Variants in PHF8 observed in about 807,000 individuals in gnomAD.
PHF8 encodes PHD finger protein 8, also known as histone lysine demethylase PHF8.
PHF8 carries 9 observed loss-of-function variants against 74.4 expected under a neutral mutation model. The ratio of observed to expected loss-of-function variants is 0.12; its 90% CI spans 0.07 to 0.21. The LOEUF (loss-of-function observed/expected upper bound fraction) is 0.21. Ranked by LOEUF, PHF8 falls within the 10% of genes least tolerant of loss-of-function variation. The pLI is 1.00. For synonymous variants in PHF8, 311 were observed against 316.6 expected (o/e 0.98, Z 0.19); for missense variants, 478 against 816.6 (o/e 0.59, Z 5.05).
At chrX:53,943,497 G>A in intron 20 of PHF8, 2 of 866,907 alleles carry the variant, frequency 2.3e-6, no homozygotes, top group East Asian at 3.7e-5. Context: ...CAAAGCAGAT[G>A]CTTAACAGTG....
chrX:53,968,770 C>T (rs938252877), intron 18 of PHF8, among the ~76,000 whole-genome samples: 2 of 111,124 alleles, frequency 1.8e-5, no homozygotes, highest in Admixed American at 9.6e-5. Context: ...ATTAGCTGGG[C>T]GTGATGGCGG....
At position 54,042,719 on chromosome X, in the gene PHF8, C is replaced by T; in HGVS notation, c.10G>A (p.Val4Met). The T allele has an allele frequency of 1.7e-6, 2 of 1,209,922 alleles. No individual in the cohort carries two copies. Among genetic ancestry groups the T allele is most frequent in the Non-Finnish European group, 2.2e-6 (2 of 894,301 alleles). Residue 4 changes from valine to methionine, a missense_variant, in exon 2 of 22, where the codon GTG becomes ATG. Around this residue, in one of 9 missense-constraint regions of PHF8, gnomAD observed 15 missense variants for 50.6 expected, o/e 0.30. Transcript: ENST00000338154. ...AGCCGGCAGAGGCAATACACCGGCA[C>T]CGAGGCCATCTTCGCTCGGCCCTGG... MAS[V>M]PVYCLCRLPY... is the part of the protein sequence containing the mutation.
Position 54,022,358 on chromosome X carries a change from C to T in PHF8, c.194G>A (p.Arg65His), listed in dbSNP as rs781825432. Reference protein sequence around the residue: ...VLHGPSIMKKRRGSSKGHDTH... With the variant: ...VLHGPSIMKKHRGSSKGHDTH... Reference sequence around the variant, plus strand: ...ATCATGCCCCTTTGAAGATCCACGGCGTTTTTTCACTAAGCCAGAAAAACA... The same window carrying T: ...ATCATGCCCCTTTGAAGATCCACGGTGTTTTTTCACTAAGCCAGAAAAACA... The change falls in exon 4 of 22, where the codon CGC (arginine) becomes CAC (histidine). Residue 65 changes from arginine (R) to histidine (H), a missense_variant. Arg to His is a conservative substitution (Grantham distance 29). Around this residue, in one of 9 missense-constraint regions of PHF8, gnomAD observed 28 missense variants for 33.4 expected, o/e 0.84. Transcript: ENST00000338154. The T allele has an allele frequency of 1.4e-5, 16 of 1,176,500 alleles. No homozygotes were observed. The Admixed American group carries it at 1.8e-4, about 13-fold the overall frequency.
At chrX:54,033,776 A>G (rs1569529774) in intron 2 of PHF8, among the ~76,000 whole-genome samples, 1 of 110,094 alleles carries the variant, frequency 9.1e-6, no homozygotes, top group Non-Finnish European at 1.9e-5. Context: ...AGCAAAAATT[A>G]GCCAGGCATG....
At position 53,938,326 on chromosome X, in the gene PHF8, C is replaced by T; in HGVS notation, c.*832G>A. 1.0e-6 allele frequency: 1 copy of T among 999,000 alleles called. No individual in the cohort carries two copies. The highest frequency in any genetic ancestry group is 1.3e-6 in the Non-Finnish European group (1 of 789,448). The allele number at this position is 999,000 out of a possible 1,213,427, so 82.3% of individuals were successfully genotyped here. A position where few individuals can be genotyped will look rare whatever the true frequency, so the allele number is the denominator to read the frequency against. ...ACCTGCCAGGGCCCAGCCACAGCCA[C>T]AGCCACAGCCACGTGGATAATGTTC... is the stretch of plus-strand genomic sequence containing the variant. On this transcript the variant is annotated 3_prime_UTR_variant, in exon 22 of 22. Transcript: ENST00000338154.
intron 2 of PHF8, among the ~76,000 whole-genome samples, chrX:54,028,358 G>C (rs1348639938): frequency 2.7e-5 from 3 of 111,622 alleles, no homozygotes; most frequent in African/African-American, 9.8e-5. Context: ...ACAAGAACTG[G>C]GGAGTAACAG....
At position 53,988,456 on chromosome X, in the gene PHF8, A is replaced by G. The variant is rs1203474869; in HGVS notation, c.1731-512T>C. ...TAAATGTAAAACCTAAAACTATAAAACTAGAGTAAAACACAGAAAAATATC... is the reference window on the plus strand; with the variant it reads ...TAAATGTAAAACCTAAAACTATAAAGCTAGAGTAAAACACAGAAAAATATC... On this transcript the variant is annotated intron_variant, in intron 14 of 21. Coordinates refer to ENST00000338154, the MANE Select transcript of PHF8 (RefSeq NM_015107.3). Among the ~76,000 whole-genome samples, 4 of 111,002 alleles carry G rather than the reference A, an allele frequency of 3.6e-5. No homozygotes were observed. The South Asian group carries it at 1.1e-3, about 31-fold the overall frequency.
upstream of PHF8, among the ~76,000 whole-genome samples, chrX:54,048,747 C>T (rs1365629552): frequency 8.9e-6 from 1 of 112,341 alleles, no homozygotes; most frequent in Non-Finnish European, 1.9e-5. Context: ...TGGAAGCCTA[C>T]CTCCCCCATC....
intron 18 of PHF8, among the ~76,000 whole-genome samples, chrX:53,975,342 C>T (rs2065356594): frequency 8.9e-6 from 1 of 111,980 alleles, no homozygotes. Flanking sequence ...AATAGAACTA[C>T]CATATGATCC....
chrX:54,018,755 G>A (rs1312863747), intron 4 of PHF8, among the ~76,000 whole-genome samples: 2 of 110,318 alleles, frequency 1.8e-5, no homozygotes, highest in Non-Finnish European at 3.8e-5. Context: ...CGACTAGCTG[G>A]GATTACAGGC....
chrX:54,011,300 G>C lies in PHF8; in HGVS notation c.784-16C>G, dbSNP rs1557106698. On this transcript the variant is annotated splice_polypyrimidine_tract_variant and intron_variant, in intron 7 of 21. Transcript: ENST00000338154. Reference sequence around the variant, plus strand: ...TCTTTTCACCCTGAAACAAAAAGAGGTTGAAGTGACAAAAATACCAAGGGT... The same window carrying C: ...TCTTTTCACCCTGAAACAAAAAGAGCTTGAAGTGACAAAAATACCAAGGGT... 8.3e-7 allele frequency: 1 copy of C among 1,199,329 alleles called. No individual in the cohort carries two copies. The highest frequency in any genetic ancestry group is 1.8e-5 in the South Asian group (1 of 56,675).
At chrX:54,046,765 C>T (rs1427460940), upstream of PHF8, among the ~76,000 whole-genome samples, 1 of 111,257 alleles carries the variant, frequency 9.0e-6, no homozygotes, top group Non-Finnish European at 1.9e-5. Flanking sequence ...TTTGGGAGGT[C>T]AGGATGGGAG....
At chrX:53,942,780 G>A in intron 20 of PHF8, 1 of 752,823 alleles carries the variant, frequency 1.3e-6, no homozygotes, top group South Asian at 6.7e-5. Flanking sequence ...TTCTCAATGG[G>A]TAAAAGGAAC....
rs192899389 is a variant in PHF8, at chrX:54,002,301, T to C, written c.1035-40A>G. 2.0e-4 allele frequency: 165 copies of C among 827,366 alleles called. No homozygotes were observed. The East Asian group carries it at 5.0e-3, about 25-fold the overall frequency. 68.2% of individuals were successfully genotyped at this position (827,366 alleles called of 1,213,427 possible). A position where few individuals can be genotyped will look rare whatever the true frequency, so the allele number is the denominator to read the frequency against. ...CACCAACAACAAAAACAAGGATTCA[T>C]TTACTGAGCACCTACTATGAATCAG... On this transcript the variant is annotated intron_variant, in intron 9 of 21. Transcript: ENST00000338154.
chrX:53,988,053 A>G, intron 14 of PHF8, 109 bp from the exon 15 acceptor site: 1 of 612,714 alleles, frequency 1.6e-6, no homozygotes, highest in Non-Finnish European at 2.7e-6. Context: ...CCCTATCAAA[A>G]TCCAGCCAGC....
chrX:54,021,203 T>C (rs1254100755), intron 4 of PHF8, among the ~76,000 whole-genome samples: 1 of 111,404 alleles, frequency 9.0e-6, no homozygotes, highest in Non-Finnish European at 1.9e-5. Flanking sequence ...AATCAAATAC[T>C]GCTTTTGTTC....
intron 18 of PHF8, 26 bp from the exon 19 acceptor site, chrX:53,962,965 A>T (rs1557091351): frequency 2.1e-6 from 2 of 933,569 alleles, no homozygotes; most frequent in Admixed American, 4.4e-5. Context: ...AAAACAGGGT[A>T]AAATGAGATT....
intron 19 of PHF8, among the ~76,000 whole-genome samples, chrX:53,955,194 T>A (rs2064994774): frequency 9.0e-6 from 1 of 111,623 alleles, no homozygotes; most frequent in African/African-American, 3.2e-5. Context: ...CAGTTTTTAG[T>A]TGATTCTCTT....
At chrX:54,040,228 G>C (rs2066529413) in intron 2 of PHF8, among the ~76,000 whole-genome samples, 1 of 112,000 alleles carries the variant, frequency 8.9e-6, no homozygotes, top group Admixed American at 9.6e-5. Context: ...CCTGTTTCCA[G>C]AGTGAGGAGT....
Sources: allele counts gnomAD v4.1 joint callset (sites outside exome capture counted in the v4.1 genomes callset), GRCh38; gene constraint gnomAD v4.1.1; regional missense constraint gnomAD v4.1.1; transcripts MANE v1.5; gene names NCBI Gene and HGNC (gene_info 2026-07-23, HGNC 2026-07-21).